The following PRMT8 variants were observed in gnomAD, a reference collection of about 807,000 sequenced individuals.
The protein encoded by PRMT8 is protein arginine N-methyltransferase 8.
PRMT8 carries 7 observed loss-of-function variants against 47.1 expected under a neutral mutation model. The observed-to-expected ratio is 0.15, with a 90% CI of 0.08 to 0.28. PRMT8 has a LOEUF of 0.28. PRMT8 is among the 10% of genes least tolerant of loss of function. The probability of loss-of-function intolerance (pLI) is 1.00; values close to 1 mark genes in which losing one functional copy is unlikely to be tolerated. For missense variants in PRMT8, 237 were observed against 505.4 expected (o/e 0.47, Z 5.09); for synonymous variants, 188 against 186.5 (o/e 1.01, Z -0.07).
At chr12:3,523,810 G>A (rs1424804172) in intron 1 of PRMT8, among the ~76,000 whole-genome samples, 2 of 152,166 alleles carry the variant, frequency 1.3e-5, no homozygotes, top group Non-Finnish European at 2.9e-5. Flanking sequence ...CCTGCCTTAC[G>A]AAGGTCAAGT....
chr12:3,418,094 A>G (rs1235930262), intron 1 of PRMT8, among the ~76,000 whole-genome samples: 4 of 152,240 alleles, frequency 2.6e-5, no homozygotes, highest in Non-Finnish European at 4.4e-5. Flanking sequence ...CTCAATAAAC[A>G]TTCTCTATCA....
At chr12:3,455,341 G>A (rs1215636261) in intron 1 of PRMT8, among the ~76,000 whole-genome samples, 2 of 152,190 alleles carry the variant, frequency 1.3e-5, no homozygotes, top group East Asian at 3.8e-4. Context: ...GGATGAGGGT[G>A]AGGGGAGGTG....
At chr12:3,393,106 G>A (rs1333614232) in intron 1 of PRMT8, among the ~76,000 whole-genome samples, 1 of 152,106 alleles carries the variant, frequency 6.6e-6, no homozygotes, top group East Asian at 1.9e-4. Context: ...ATAGATTCTG[G>A]ATATTAGCCA....
At chr12:3,563,730 A>G (rs1012668204) in intron 4 of PRMT8, among the ~76,000 whole-genome samples, 3 of 152,160 alleles carry the variant, frequency 2.0e-5, no homozygotes, top group Admixed American at 1.3e-4. Context: ...GCCTAGGTTC[A>G]GCCCCCACAA....
At chr12:3,401,079 G>A (rs1864310188) in intron 1 of PRMT8, among the ~76,000 whole-genome samples, 1 of 150,526 alleles carries the variant, frequency 6.6e-6, no homozygotes, top group Admixed American at 6.6e-5. Context: ...CCTGGGAGGT[G>A]GAGGTTGTGG....
At chr12:3,532,570 C>A (rs1866048362) in intron 1 of PRMT8, among the ~76,000 whole-genome samples, 1 of 135,152 alleles carries the variant, frequency 7.4e-6, no homozygotes, top group South Asian at 2.4e-4. Context: ...TGAGATCACG[C>A]CACTGCACTC....
At chr12:3,426,418 G>A (rs1290041303) in intron 1 of PRMT8, among the ~76,000 whole-genome samples, 3 of 152,182 alleles carry the variant, frequency 2.0e-5, no homozygotes, top group Non-Finnish European at 4.4e-5. Context: ...CAGAACGTTG[G>A]ACCAACTATG....
At chr12:3,553,066 A>G in intron 3 of PRMT8, 1 of 208,770 alleles carries the variant, frequency 4.8e-6, no homozygotes, top group East Asian at 1.3e-4. Flanking sequence ...AGGTCTGGAG[A>G]GCCTGGAAAG....
chr12:3,412,258 A>G (rs1445745186), intron 1 of PRMT8, among the ~76,000 whole-genome samples: 2 of 152,218 alleles, frequency 1.3e-5, no homozygotes, highest in African/African-American at 4.8e-5. Context: ...AATATGGTAT[A>G]AAAAGTTAAA....
At chr12:3,568,961 G>A (rs979622954) in intron 5 of PRMT8, 113 bp downstream of exon 5, 1 of 1,409,244 alleles carries the variant, frequency 7.1e-7, no homozygotes, top group Non-Finnish European at 9.7e-7. Context: ...GAGGCCAGGA[G>A]GTCACTGCCC....
Position 3,491,316 on chromosome 12 carries a change from G to GTGCCAAACTTTCCCCA in PRMT8, c.-310_-309insTGCCAAACTTTCCCCA. On this transcript the variant is annotated 5_prime_UTR_variant, in exon 1 of 10. Transcript: ENST00000382622. ...CGACCGCCGCCGCCGCCGCCGCGGA[G>GTGCCAAACTTTCCCCA]GCTTCGGGGCTGCTTCCCTCGAGCT... The GTGCCAAACTTTCCCCA allele has an allele frequency of 9.2e-7, 1 of 1,086,650 alleles. No homozygotes were observed. The highest frequency in any genetic ancestry group is 1.1e-6 in the Non-Finnish European group (1 of 895,318). 67.3% of individuals were successfully genotyped at this position (1,086,650 alleles called of 1,614,324 possible). A position where few individuals can be genotyped will look rare whatever the true frequency, so the allele number is the denominator to read the frequency against.
chr12:3,499,434 G>A (rs1302517097), intron 1 of PRMT8, among the ~76,000 whole-genome samples: 1 of 64,008 alleles, frequency 1.6e-5, no homozygotes, highest in Non-Finnish European at 2.9e-5. Flanking sequence ...ACCTATGAGT[G>A]AGAATATGCG....
intron 1 of PRMT8, among the ~76,000 whole-genome samples, chr12:3,421,376 C>T (rs184677228): frequency 6.6e-6 from 1 of 152,334 alleles, no homozygotes; most frequent in Non-Finnish European, 1.5e-5. Context: ...GGCAGAGCAG[C>T]AGAAGCAGAT....
At position 3,540,621 on chromosome 12, in the gene PRMT8, T is replaced by TACCC; in HGVS notation, c.91_92insACCC (p.Ser31TyrfsTer12). On this transcript the variant is annotated frameshift_variant, in exon 2 of 10. Transcript: ENST00000382622. LOFTEE classifies it high-confidence loss of function. The stretch of plus-strand genomic sequence containing the variant: ...TTCCCCTCAGGTGAACAGCCCCCCC[T>TACCC]CCCAGCCCCCCCAGCCCGTCGTCCC... The TACCC allele has an allele frequency of 4.9e-6, 2 of 405,672 alleles. No individual in the cohort carries two copies. Among genetic ancestry groups the TACCC allele is most frequent in the Non-Finnish European group, 4.1e-6 (1 of 242,480 alleles). 25.1% of individuals were successfully genotyped at this position (405,672 alleles called of 1,614,324 possible).
rs563136353 is a variant in PRMT8, at chr12:3,535,581, C to T, written c.76-5025C>T. Among the ~76,000 whole-genome samples, 5 of 152,200 alleles carry T rather than the reference C, an allele frequency of 3.3e-5. No individual in the cohort carries two copies. The East Asian group carries it at 9.7e-4, about 30-fold the overall frequency. On this transcript the variant is annotated intron_variant, in intron 1 of 9. Coordinates refer to ENST00000382622, the MANE Select transcript of PRMT8 (RefSeq NM_019854.5). The surrounding 1 kb of genome is among the most constrained non-coding windows in gnomAD (Gnocchi z 4.7). The stretch of plus-strand genomic sequence containing the variant: ...CTTTCTCTGCCCTGGGGCCCAAGAA[C>T]CCAACAGGACAAGGCTGGAGGCGAT...
At position 3,570,653 on chromosome 12, in the gene PRMT8, A is replaced by T. The variant is rs1051938630; in HGVS notation, c.712+1089A>T. 1.3e-5 allele frequency among the ~76,000 whole-genome samples: 2 copies of T among 152,222 alleles called. No individual in the cohort carries two copies. The highest frequency in any genetic ancestry group is 2.9e-5 in the Non-Finnish European group (2 of 68,034). On this transcript the variant is annotated intron_variant, in intron 6 of 9. Transcript: ENST00000382622. This position sits in a 1 kb window ranked among gnomAD's most constrained non-coding sequence, Gnocchi z 5.5. ...AAACAATTGCCATCTAATCGTCGTT[A>T]GTGGCACTGATGAAAACTCGGCTGG...
At chr12:3,525,324 G>A (rs747863240) in intron 1 of PRMT8, among the ~76,000 whole-genome samples, 1 of 152,164 alleles carries the variant, frequency 6.6e-6, no homozygotes. Context: ...TAAAGATCAG[G>A]GTGACAGAGG....
At chr12:3,389,104 C>A (rs928653252) in intron 1 of PRMT8, among the ~76,000 whole-genome samples, 4 of 152,160 alleles carry the variant, frequency 2.6e-5, no homozygotes, top group African/African-American at 9.7e-5. Flanking sequence ...TACATACATT[C>A]ATAGGGAGGA....
At chr12:3,441,485 C>T (rs1372976297) in intron 1 of PRMT8, among the ~76,000 whole-genome samples, 3 of 152,362 alleles carry the variant, frequency 2.0e-5, no homozygotes, top group Non-Finnish European at 4.4e-5. Flanking sequence ...CCTTTGCTTA[C>T]TGCCCGCGTG....
Sources: gnomAD v4.1 joint callset for allele counts (sites outside exome capture counted in the v4.1 genomes callset) on GRCh38, gnomAD v4.1.1 for gene constraint, Gnocchi (gnomAD v3.1) non-coding constraint, MANE v1.5 for transcripts, NCBI Gene and HGNC (gene_info 2026-07-23, HGNC 2026-07-21) for gene names.